The following ABCC8 variants were observed in gnomAD, a reference collection of about 807,000 sequenced individuals.
The protein encoded by ABCC8 is ATP binding cassette subfamily C member 8, also known as ATP-binding cassette sub-family C member 8.
A neutral mutation model predicts 188.0 loss-of-function variants in ABCC8; 137 were observed. That is an observed-to-expected ratio of 0.73 (90% CI 0.63 to 0.84). The LOEUF is 0.84. ABCC8 is among the 40% of genes least tolerant of loss of function. The pLI, the probability that ABCC8 is intolerant of heterozygous loss-of-function variation, is 0.00. For synonymous variants in ABCC8, 797 were observed against 846.5 expected (o/e 0.94, Z 1.01); for missense variants, 1,750 against 2,072.7 (o/e 0.84, Z 3.02).
intron 10 of ABCC8, among the ~76,000 whole-genome samples, chr11:17,433,936 G>A (rs560826357): frequency 3.3e-5 from 5 of 152,262 alleles, no homozygotes; most frequent in South Asian, 2.1e-4. Flanking sequence ...CTCCTGCACC[G>A]TTTCCGGCAG....
At chr11:17,428,192 T>C (rs1352703303) in intron 14 of ABCC8, 97 bp downstream of exon 14, 1 of 1,588,390 alleles carries the variant, frequency 6.3e-7, no homozygotes, top group Non-Finnish European at 8.6e-7. Context: ...GGGTGACCTC[T>C]GCAGAGGACT....
In ABCC8 at chr11:17,461,725, T is replaced by C; in HGVS notation, c.680A>G (p.Lys227Arg). Reference sequence around the variant, plus strand: ...GGCGTTCATCCACCAGTAGGTGCCTTTGGACAGCAGATTCACGAAGGGCTG... The same window carrying C: ...GGCGTTCATCCACCAGTAGGTGCCTCTGGACAGCAGATTCACGAAGGGCTG... ...FLQPFVNLLS[K>R]GTYWWMNAFI... Residue 227 changes from lysine (K) to arginine (R), a missense_variant, in exon 5 of 39, where the codon AAA becomes AGA. Transcript: ENST00000389817. 1 of 1,614,114 alleles carries C rather than the reference T, an allele frequency of 6.2e-7. No individual in the cohort carries two copies. The highest frequency in any genetic ancestry group is 8.5e-7 in the Non-Finnish European group (1 of 1,180,012).
At chr11:17,412,921 G>A in intron 20 of ABCC8, 175 bp from the exon 21 acceptor site, 1 of 1,398,682 alleles carries the variant, frequency 7.1e-7, no homozygotes, top group Non-Finnish European at 9.6e-7. Context: ...TCATTCAGAA[G>A]AGGGCAGCAT....
At chr11:17,447,265 C>G (rs1413182798) in intron 8 of ABCC8, among the ~76,000 whole-genome samples, 1 of 152,196 alleles carries the variant, frequency 6.6e-6, no homozygotes, top group Non-Finnish European at 1.5e-5. Flanking sequence ...CAGGATCAGA[C>G]TCTGTGGTGG....
rs190746595 is a variant in ABCC8, at chr11:17,472,163, G to A, written c.291-1941C>T. ...AATTTTATAAGACGAAATAAGATGA[G>A]GATTAACCATAATTGAACTAAATAT... is the stretch of plus-strand genomic sequence containing the variant. On this transcript the variant is annotated intron_variant, in intron 2 of 38. Transcript: ENST00000389817. Among the ~76,000 whole-genome samples the A allele has an allele frequency of 8.8e-4, 134 of 152,220 alleles. 1 individual carries two copies. Among genetic ancestry groups the A allele is most frequent in the Non-Finnish European group, 1.2e-3 (81 of 68,024 alleles).
At chr11:17,416,462 C>T (rs1483980806) in intron 17 of ABCC8, among the ~76,000 whole-genome samples, 1 of 151,982 alleles carries the variant, frequency 6.6e-6, no homozygotes, top group Non-Finnish European at 1.5e-5. Context: ...TTCTGTCTTT[C>T]CTGTCACTTA....
chr11:17,397,436 C>T (rs1953997434), intron 31 of ABCC8, 123 bp from the exon 32 acceptor site: 1 of 1,547,466 alleles, frequency 6.5e-7, no homozygotes, highest in Non-Finnish European at 8.7e-7. Flanking sequence ...CTGCCATCCA[C>T]TGCCTGCTCA....
chr11:17,435,850 G>T, intron 10 of ABCC8: 1 of 1,239,610 alleles, frequency 8.1e-7, no homozygotes, highest in Non-Finnish European at 1.2e-6. Context: ...GTGGATCAGT[G>T]CTGGCCCCGG....
At chr11:17,430,350 C>T in intron 12 of ABCC8, 1 of 294,542 alleles carries the variant, frequency 3.4e-6, no homozygotes, top group Non-Finnish European at 6.6e-6. Flanking sequence ...GTTTCACTGG[C>T]TGAGGCTGTG....
chr11:17,460,410 C>G, intron 6 of ABCC8, 78 bp downstream of exon 6: 1 of 1,605,722 alleles, frequency 6.2e-7, no homozygotes, highest in Non-Finnish European at 8.5e-7. Flanking sequence ...ATGGCTCACA[C>G]ACATTGGCCT....
intron 8 of ABCC8, among the ~76,000 whole-genome samples, chr11:17,446,227 A>C (rs760338182): frequency 2.6e-5 from 4 of 152,024 alleles, no homozygotes; most frequent in African/African-American, 4.8e-5. Context: ...CAGCCTCCCA[A>C]AGTGCTGGGA....
chr11:17,434,103 G>A (rs1955971934), intron 10 of ABCC8, among the ~76,000 whole-genome samples: 1 of 152,168 alleles, frequency 6.6e-6, no homozygotes, highest in Non-Finnish European at 1.5e-5. Context: ...TTCTAAATGT[G>A]AGGTAGCCTC....
At position 17,407,423 on chromosome 11, in the gene ABCC8, G is replaced by C. The variant is rs543179485; in HGVS notation, c.2851C>G (p.Pro951Ala). The C allele has an allele frequency of 1.1e-5, 17 of 1,614,108 alleles. No homozygotes were observed. In the South Asian group the frequency reaches 1.9e-4, roughly 18 times the overall value. The stretch of plus-strand genomic sequence containing the variant: ...ATGGCACGAGATAGGCCCTGGGGTG[G>C]CTCTGTGGCTTTTCTCTCTGTGACA... ...ETVTERKATE[P>A]PQGLSRAMSS... The change falls in exon 24 of 39, where the codon CCA becomes GCA. Residue 951 changes from proline to alanine, a missense_variant. Coordinates refer to ENST00000389817, the MANE Select transcript of ABCC8 (RefSeq NM_000352.6).
At chr11:17,407,232 C>G in intron 24 of ABCC8, 103 bp from the exon 25 acceptor site, 1 of 1,608,684 alleles carries the variant, frequency 6.2e-7, no homozygotes, top group Non-Finnish European at 8.5e-7. Context: ...CGGGGGCACA[C>G]AGAGGGAAGC....
intron 28 of ABCC8, among the ~76,000 whole-genome samples, chr11:17,403,703 A>T (rs1300552272): frequency 6.6e-6 from 1 of 152,114 alleles, no homozygotes; most frequent in Non-Finnish European, 1.5e-5. Flanking sequence ...TTATCTCACA[A>T]ATCAGTACTC....
At chr11:17,442,601 G>T in intron 10 of ABCC8, 119 bp downstream of exon 10, 1 of 1,007,848 alleles carries the variant, frequency 9.9e-7, no homozygotes, top group Non-Finnish European at 1.6e-6. Context: ...CCCCTACTGA[G>T]TCGGATAATC....
chr11:17,395,964 C>T (rs749573085), intron 33 of ABCC8, 34 bp from the exon 34 acceptor site: 2 of 1,555,304 alleles, frequency 1.3e-6, no homozygotes, highest in Non-Finnish European at 1.7e-6. Flanking sequence ...GCCACTGGGA[C>T]TCTGGGGCTG....
At chr11:17,461,875 C>T (rs1476461467) in intron 4 of ABCC8, 50 bp from the exon 5 acceptor site, 2 of 1,610,334 alleles carry the variant, frequency 1.2e-6, no homozygotes, top group Middle Eastern at 3.3e-4. Flanking sequence ...CTTCTCACCA[C>T]TCCCTACCTT....
chr11:17,460,169 T>A (rs1427250824), intron 6 of ABCC8, among the ~76,000 whole-genome samples: 1 of 152,194 alleles, frequency 6.6e-6, no homozygotes, highest in Non-Finnish European at 1.5e-5. Flanking sequence ...AGCCAACAAA[T>A]CCAAGTCACA....
Sources: allele counts gnomAD v4.1 joint callset (sites outside exome capture counted in the v4.1 genomes callset), GRCh38; gene constraint gnomAD v4.1.1; transcripts MANE v1.5; gene names NCBI Gene and HGNC (gene_info 2026-07-23, HGNC 2026-07-21).